The following C11orf65 variants were observed in gnomAD, a reference collection of about 807,000 sequenced individuals.
C11orf65 encodes the protein protein MFI.
C11orf65 carries 38 observed loss-of-function variants against 35.3 expected under a neutral mutation model. That is an observed-to-expected ratio of 1.08 (90% CI 0.83 to 1.41). C11orf65 has a LOEUF of 1.41. Among genes scored for constraint, C11orf65 ranks in the 40% most tolerant of loss-of-function variants. The probability of loss-of-function intolerance (pLI) is 0.00; values close to 1 mark genes in which losing one functional copy is unlikely to be tolerated. For missense variants in C11orf65, 370 were observed against 367.1 expected (o/e 1.01, Z -0.06); for synonymous variants, 105 against 114.4 (o/e 0.92, Z 0.53).
Position 108,459,067 on chromosome 11 carries a change from G to A in C11orf65, c.81+2412C>T, listed in dbSNP as rs543356113. ...CTGGGGGCTTCATGACATGAGTGGA[G>A]TAAGTAATTACCAGGCTTTCTCTAA... On this transcript the variant is annotated intron_variant, in intron 2 of 8. Coordinates refer to ENST00000393084, the MANE Select transcript of C11orf65 (RefSeq NM_152587.5). 3.3e-5 allele frequency among the ~76,000 whole-genome samples: 5 copies of A among 152,292 alleles called. No individual in the cohort carries two copies. In the South Asian group the frequency reaches 1.0e-3, roughly 32 times the overall value.
At chr11:108,438,668 C>A (rs1565696906) in intron 2 of C11orf65, among the ~76,000 whole-genome samples, 1 of 151,836 alleles carries the variant, frequency 6.6e-6, no homozygotes, top group Non-Finnish European at 1.5e-5. Flanking sequence ...GGATATAACA[C>A]CAAAAGCACA....
intron 6 of C11orf65, chr11:108,317,652 T>TATATATATATATATATATATATAC (rs1399501257): frequency 8.5e-6 from 1 of 117,468 alleles, no homozygotes; most frequent in Non-Finnish European, 1.4e-5. Flanking sequence ...TATATATATA[T>TATATATATATATATATATATATAC]ACACACACAC....
chr11:108,445,525 C>A (rs1441850593), intron 2 of C11orf65, among the ~76,000 whole-genome samples: 3 of 152,116 alleles, frequency 2.0e-5, no homozygotes, highest in African/African-American at 4.8e-5. Context: ...CTGGAGTGGA[C>A]CTCTAGCAAA....
chr11:108,411,799 T>C lies in C11orf65; in HGVS notation c.175-4650A>G, dbSNP rs550080933. ...ATTTTCTTTTTCTTTTTTCTTTTTTTTTTTTTGAGATGGAGTCTCGCTCTG... is the reference window on the plus strand; with the variant it reads ...ATTTTCTTTTTCTTTTTTCTTTTTTCTTTTTTGAGATGGAGTCTCGCTCTG... On this transcript the variant is annotated intron_variant, in intron 3 of 8. Coordinates refer to ENST00000393084, the MANE Select transcript of C11orf65 (RefSeq NM_152587.5). 1.7e-3 allele frequency among the ~76,000 whole-genome samples: 259 copies of C among 151,920 alleles called. 1 individual carries two copies. The highest frequency in any genetic ancestry group is 6.1e-3 in the African/African-American group (251 of 41,480).
At chr11:108,428,051 G>C (rs1373687225) in intron 3 of C11orf65, among the ~76,000 whole-genome samples, 3 of 151,112 alleles carry the variant, frequency 2.0e-5, no homozygotes, top group Non-Finnish European at 4.4e-5. Context: ...GGATGGTCTC[G>C]ATCTCCTGAC....
chr11:108,413,263 T>C (rs573150378), intron 3 of C11orf65, among the ~76,000 whole-genome samples: 2 of 152,214 alleles, frequency 1.3e-5, no homozygotes, highest in Non-Finnish European at 2.9e-5. Context: ...AGTGGTCAAG[T>C]CAGGGCTTTT....
At chr11:108,425,809 C>T (rs1189488788) in intron 3 of C11orf65, among the ~76,000 whole-genome samples, 2 of 152,112 alleles carry the variant, frequency 1.3e-5, no homozygotes, top group Non-Finnish European at 2.9e-5. Flanking sequence ...ACGATCAAGT[C>T]GGCTTCATCC....
At chr11:108,364,504 C>T (rs542061152) in intron 2 of C11orf65, among the ~76,000 whole-genome samples, 3 of 152,254 alleles carry the variant, frequency 2.0e-5, no homozygotes, top group Admixed American at 2.0e-4. Flanking sequence ...AACGCAGCAC[C>T]AAACCTTGGG....
At position 108,316,004 on chromosome 11, in the gene C11orf65, C is replaced by T. The variant is rs1173338615; in HGVS notation, c.641-6933G>A. On this transcript the variant is annotated intron_variant, in intron 6 of 6. Coordinates refer to the C11orf65 transcript ENST00000525729. ...CCCAAAGCTATTTTCACAATCTTTT[C>T]TTATAGACTACGAACATATGAACAC... 1 of 1,613,666 alleles carries T rather than the reference C, an allele frequency of 6.2e-7. No homozygotes were observed. Among genetic ancestry groups the T allele is most frequent in the African/African-American group, 1.3e-5 (1 of 74,904 alleles).
intron 3 of C11orf65, among the ~76,000 whole-genome samples, chr11:108,421,530 C>T (rs1019988905): frequency 2.6e-5 from 4 of 151,980 alleles, no homozygotes; most frequent in Admixed American, 6.6e-5. Context: ...TTGGTGGTGG[C>T]GCCTGTAATC....
intron 6 of C11orf65, among the ~76,000 whole-genome samples, chr11:108,403,068 G>A (rs1334376938): frequency 1.3e-5 from 2 of 152,000 alleles, no homozygotes; most frequent in African/African-American, 4.8e-5. Flanking sequence ...ATCTTTCTGT[G>A]GACATGTTTT....
At chr11:108,331,856 A>C (rs2086281274) in intron 3 of C11orf65, 1 of 1,611,308 alleles carries the variant, frequency 6.2e-7, no homozygotes, top group East Asian at 2.2e-5. Context: ...ATTTGCATAA[A>C]TCTAATAGTT....
chr11:108,339,510 G>A lies in C11orf65; in HGVS notation c.227-4218C>T, dbSNP rs778905838. Among the ~76,000 whole-genome samples the A allele has an allele frequency of 3.3e-5, 5 of 152,056 alleles. No individual in the cohort carries two copies. The East Asian group carries it at 9.7e-4, about 29-fold the overall frequency. On this transcript the variant is annotated intron_variant, in intron 2 of 3. Coordinates refer to the C11orf65 transcript ENST00000524755. ...GTACTTTCAGAGAACTGAGAAAATA[G>A]TCATCAGTCCTTTTTTGTGGTATTC...
At chr11:108,381,463 A>G (rs992112184), downstream of C11orf65, among the ~76,000 whole-genome samples, 1 of 152,208 alleles carries the variant, frequency 6.6e-6, no homozygotes, top group Admixed American at 6.5e-5. Context: ...TCTGTCCACT[A>G]GTAGGAAAAT....
chr11:108,313,888 TTA>T (rs1021781162), intron 6 of C11orf65, among the ~76,000 whole-genome samples: 1 of 152,198 alleles, frequency 6.6e-6, no homozygotes, highest in Non-Finnish European at 1.5e-5. Flanking sequence ...TTTATTTTTT[TTA>T]TGTTTTCATT....
At chr11:108,407,948 A>AAAAAG (rs1555166206) in intron 3 of C11orf65, among the ~76,000 whole-genome samples, 6,937 of 113,634 alleles carry the variant, frequency 0.061, 258 homozygotes, top group Non-Finnish European at 0.079. Flanking sequence ...AAAAAAAAAA[A>AAAAAG]AAAAGAAAAG....
intron 6 of C11orf65, among the ~76,000 whole-genome samples, chr11:108,314,861 G>T (rs1041593791): frequency 3.3e-5 from 5 of 152,146 alleles, no homozygotes; most frequent in African/African-American, 1.2e-4. Context: ...GAACTGTACT[G>T]TGTTTATCAA....
chr11:108,338,675 TG>T (rs376946821), intron 2 of C11orf65, among the ~76,000 whole-genome samples: 3 of 151,582 alleles, frequency 2.0e-5, no homozygotes, highest in Non-Finnish European at 4.4e-5. Flanking sequence ...AAAGTGGGGT[TG>T]GGGGGTAACC....
chr11:108,343,490 G>A, intron 2 of C11orf65: 1 of 1,235,530 alleles, frequency 8.1e-7, no homozygotes, highest in South Asian at 1.4e-5. Context: ...AATTGTCAAA[G>A]ATACTAAGTA....
Sources: gnomAD v4.1 joint callset for allele counts (sites outside exome capture counted in the v4.1 genomes callset) on GRCh38, gnomAD v4.1.1 for gene constraint, MANE v1.5 for transcripts, NCBI Gene and HGNC (gene_info 2026-07-23, HGNC 2026-07-21) for gene names.